Variants in TIAM1 observed in about 807,000 individuals in gnomAD.
The protein encoded by TIAM1 is TIAM Rac1 associated GEF 1, also known as rho guanine nucleotide exchange factor TIAM1.
A neutral mutation model predicts 163.5 loss-of-function variants in TIAM1; 65 were observed. The ratio of observed to expected loss-of-function variants is 0.40; its 90% confidence interval spans 0.33 to 0.49. The LOEUF is 0.49. Among genes scored for constraint, TIAM1 ranks in the 20% least tolerant of loss-of-function variants. The pLI, the probability that TIAM1 is intolerant of heterozygous loss-of-function variation, is 0.77. For synonymous variants in TIAM1, 833 were observed against 810.1 expected, an observed-to-expected ratio of 1.03 and a Z score of -0.48; for missense variants, 1,789 against 2,044.7, an observed-to-expected ratio of 0.87 and a Z score of 2.41.
intron 1 of TIAM1, among the ~76,000 whole-genome samples, chr21:31,511,461 C>T (rs1312911515): frequency 2.0e-5 from 3 of 152,146 alleles, no homozygotes; most frequent in South Asian, 2.1e-4. Context: ...CTGACCTTGG[C>T]CAAGACACAC....
chr21:31,513,722 C>G (rs1158005930), intron 1 of TIAM1, among the ~76,000 whole-genome samples: 1 of 152,166 alleles, frequency 6.6e-6, no homozygotes, highest in East Asian at 1.9e-4. Flanking sequence ...AAATAAGGTT[C>G]TGGAGCCAGA....
chr21:31,361,191 T>G (rs1351316834), intron 2 of TIAM1, among the ~76,000 whole-genome samples: 1 of 152,124 alleles, frequency 6.6e-6, no homozygotes, highest in Non-Finnish European at 1.5e-5. Context: ...ATAATTAAAG[T>G]GTACAAACTA....
chr21:31,182,972 G>C (rs1013143007), intron 14 of TIAM1, among the ~76,000 whole-genome samples: 1 of 152,172 alleles, frequency 6.6e-6, no homozygotes, highest in African/African-American at 2.4e-5. Context: ...ACACTTTTGG[G>C]GCGGGGCGAG....
chr21:31,508,786 G>A (rs915577), intron 1 of TIAM1, among the ~76,000 whole-genome samples: 1 of 152,222 alleles, frequency 6.6e-6, no homozygotes, highest in African/African-American at 2.4e-5. Flanking sequence ...GACTATATCC[G>A]AGATCCTAGC....
intron 2 of TIAM1, among the ~76,000 whole-genome samples, chr21:31,426,420 A>T (rs1240609818): frequency 1.3e-5 from 2 of 152,160 alleles, no homozygotes; most frequent in Non-Finnish European, 2.9e-5. Flanking sequence ...GAAAACATAC[A>T]TATTTCACTT....
chr21:31,265,200 T>C (rs1381707659), intron 4 of TIAM1, among the ~76,000 whole-genome samples: 2 of 139,586 alleles, frequency 1.4e-5, no homozygotes, highest in Non-Finnish European at 3.1e-5. Context: ...ACTTTCAAAA[T>C]CTTTTTTTTT....
At chr21:31,299,388 T>C (rs1386342134) in intron 2 of TIAM1, among the ~76,000 whole-genome samples, 1 of 152,192 alleles carries the variant, frequency 6.6e-6, no homozygotes, top group Non-Finnish European at 1.5e-5. Context: ...GGCCCAGGCT[T>C]CAGTGGAGAA....
chr21:31,428,354 A>ATG (rs1569322598), intron 2 of TIAM1, among the ~76,000 whole-genome samples: 1 of 152,126 alleles, frequency 6.6e-6, no homozygotes, highest in African/African-American at 2.4e-5. Flanking sequence ...CTTCCTATAT[A>ATG]TGTGTCAGCT....
intron 1 of TIAM1, among the ~76,000 whole-genome samples, chr21:31,477,422 G>A (rs573306718): frequency 6.0e-5 from 9 of 151,022 alleles, no homozygotes; most frequent in African/African-American, 1.2e-4. Context: ...CAATATCCAC[G>A]CATTCCCCAC....
chr21:31,152,642 T>G lies in TIAM1; in HGVS notation c.3360A>C (p.Gln1120His). The G allele has an allele frequency of 6.2e-7, 1 of 1,614,166 alleles. No individual in the cohort carries two copies. ...GCAGCTTTGCACTATTTACCTTAAATTGATCAACCTTCTCAAGCTTTTCCA... is the reference window on the plus strand; with the variant it reads ...GCAGCTTTGCACTATTTACCTTAAAGTGATCAACCTTCTCAAGCTTTTCCA... ...PDLEKLEKVD[Q>H]FKKVLFSLGG... The change falls in exon 19 of 28, where the codon CAA (glutamine) becomes CAC (histidine). Residue 1120 changes from glutamine (Q) to histidine (H), a missense_variant. This residue lies in a region of TIAM1 where 303 missense variants were observed against 321.3 expected (regional missense o/e 0.94). Transcript: ENST00000541036.
At chr21:31,406,838 C>A (rs1448212911) in intron 2 of TIAM1, among the ~76,000 whole-genome samples, 3 of 152,180 alleles carry the variant, frequency 2.0e-5, no homozygotes, top group Admixed American at 6.5e-5. Flanking sequence ...CTCCCAAATA[C>A]ACTGCCCTGT....
At chr21:31,237,633 A>C (rs946532524) in intron 6 of TIAM1, among the ~76,000 whole-genome samples, 8 of 152,324 alleles carry the variant, frequency 5.3e-5, no homozygotes, top group African/African-American at 1.9e-4. Context: ...GACTTTCTAA[A>C]TGATGAGAAA....
chr21:31,311,971 C>A (rs2074947642), intron 2 of TIAM1, among the ~76,000 whole-genome samples: 1 of 152,274 alleles, frequency 6.6e-6, no homozygotes, highest in African/African-American at 2.4e-5. Context: ...CATCTTTCTC[C>A]CATGCTGGAT....
chr21:31,164,174 A>C (rs1404378372), intron 16 of TIAM1, among the ~76,000 whole-genome samples: 3 of 152,282 alleles, frequency 2.0e-5, no homozygotes, highest in South Asian at 2.1e-4. Context: ...GTGGATCACG[A>C]GGTCAGGAGA....
chr21:31,357,520 G>A (rs1308847587), intron 2 of TIAM1, among the ~76,000 whole-genome samples: 3 of 152,106 alleles, frequency 2.0e-5, no homozygotes, highest in Non-Finnish European at 4.4e-5. Flanking sequence ...CACTTGTGAT[G>A]AGGTCCAATC....
At chr21:31,392,508 T>C (rs1011197723) in intron 2 of TIAM1, among the ~76,000 whole-genome samples, 3 of 147,560 alleles carry the variant, frequency 2.0e-5, no homozygotes, top group Non-Finnish European at 3.0e-5. Flanking sequence ...AGGCAAAGGT[T>C]GTGGTGAGCT....
intron 2 of TIAM1, among the ~76,000 whole-genome samples, chr21:31,328,206 C>T (rs1165071520): frequency 1.3e-5 from 2 of 152,162 alleles, no homozygotes; most frequent in African/African-American, 4.8e-5. Flanking sequence ...AGGGCCTCCA[C>T]TGTAACAATC....
chr21:31,227,642 G>A (rs1165370520), intron 6 of TIAM1, among the ~76,000 whole-genome samples: 2 of 152,222 alleles, frequency 1.3e-5, no homozygotes, highest in Admixed American at 1.3e-4. Flanking sequence ...AGGACTTGTA[G>A]ATTGAGAAAC....
Position 31,548,226 on chromosome 21 carries a change from G to A in TIAM1, c.-422+10701C>T, listed in dbSNP as rs145035228. On this transcript the variant is annotated intron_variant, in intron 1 of 28. Transcript: ENST00000286827. ...GAGATCTCAGCTCACTGCAACCTCC[G>A]CCTCCTGGGTTCAAGCAATTCTCAT... Among the ~76,000 whole-genome samples, 329 of 132,456 alleles carry A rather than the reference G, an allele frequency of 2.5e-3. 1 individual carries two copies. Among genetic ancestry groups the A allele is most frequent in the African/African-American group, 8.9e-3 (315 of 35,554 alleles). 86.9% of individuals were successfully genotyped at this position (132,456 alleles called of 152,430 possible). A position where few individuals can be genotyped will look rare whatever the true frequency, so the allele number is the denominator to read the frequency against.
Sources: gnomAD v4.1 joint callset for allele counts (sites outside exome capture counted in the v4.1 genomes callset) on GRCh38, gnomAD v4.1.1 for gene constraint, gnomAD v4.1.1 regional missense constraint, MANE v1.5 for transcripts, NCBI Gene and HGNC (gene_info 2026-07-23, HGNC 2026-07-21) for gene names.